Variants in EVPL observed in about 807,000 individuals in gnomAD.
EVPL encodes envoplakin, also known as 210 kDa cornified envelope precursor protein.
In EVPL, 94 loss-of-function variants were observed where a neutral mutation model predicts 129.7. The observed-to-expected ratio is 0.72, with a 90% confidence interval of 0.61 to 0.86. The LOEUF (loss-of-function observed/expected upper bound fraction) is 0.86, where lower values mean the gene tolerates loss of function less well. EVPL is among the 40% of genes least tolerant of loss of function. The pLI, the probability that EVPL is intolerant of heterozygous loss-of-function variation, is 0.00. For synonymous variants in EVPL, 1,172 were observed against 1,191.1 expected (o/e 0.98, Z 0.33); for missense variants, 2,625 against 2,721.1 (o/e 0.96, Z 0.79).
At chr17:76,016,979 G>A (rs1233395209) in intron 14 of EVPL, among the ~76,000 whole-genome samples, 1 of 151,950 alleles carries the variant, frequency 6.6e-6, no homozygotes, top group Non-Finnish European at 1.5e-5. Flanking sequence ...CTGGGAGGCC[G>A]AGATGGGTGG....
rs1828980312 is a variant in EVPL, at chr17:76,027,088, C to T, written c.98+13G>A. On this transcript the variant is annotated intron_variant, in intron 1 of 21. Transcript: ENST00000301607. The stretch of plus-strand genomic sequence containing the variant: ...CCCAGTTCCCCGGCTCCCCATCCCC[C>T]AGTCCCACTTACCGGCTGTGCCTGC... 2.8e-6 allele frequency: 4 copies of T among 1,442,834 alleles called. No homozygotes were observed. The highest frequency in any genetic ancestry group is 2.8e-6 in the Non-Finnish European group (3 of 1,078,036). The allele number at this position is 1,442,834 out of a possible 1,614,324, so 89.4% of individuals were successfully genotyped here.
At position 76,013,189 on chromosome 17, in the gene EVPL, C is replaced by A. The variant is rs1450980930; in HGVS notation, c.2374-1100G>T. Among the ~76,000 whole-genome samples the A allele has an allele frequency of 6.6e-6, 1 of 152,180 alleles. No homozygotes were observed. Among genetic ancestry groups the A allele is most frequent in the Non-Finnish European group, 1.5e-5 (1 of 68,036 alleles). ...ATACTGATGCTCTGACCACAATAAT[C>A]CAACTTATTTGGTCTGGGGAGGGGT... On this transcript the variant is annotated intron_variant, in intron 18 of 21. Coordinates refer to ENST00000301607, the MANE Select transcript of EVPL (RefSeq NM_001988.4). The surrounding 1 kb of genome is among the most constrained non-coding windows in gnomAD (Gnocchi z 4.3).
chr17:76,012,125 A>G (rs1234307413), intron 18 of EVPL, 36 bp from the exon 19 acceptor site: 3 of 1,528,446 alleles, frequency 2.0e-6, no homozygotes, highest in Non-Finnish European at 2.7e-6. Flanking sequence ...GAGGCCAGGA[A>G]ATGCCAATCA....
At chr17:76,021,014 T>C (rs952803130) in intron 9 of EVPL, among the ~76,000 whole-genome samples, 2 of 152,196 alleles carry the variant, frequency 1.3e-5, no homozygotes, top group Non-Finnish European at 2.9e-5. Context: ...AATGTGCCCA[T>C]GCCTTTCTTT....
At position 76,007,450 on chromosome 17, in the gene EVPL, C is replaced by T. The variant is rs1209487515; in HGVS notation, c.5755G>A (p.Glu1919Lys). The change falls in exon 22 of 22, where the codon GAG (glutamate) becomes AAG (lysine). Residue 1919 changes from glutamate to lysine, a missense_variant. Glu to Lys is a moderately conservative substitution (Grantham distance 56). Transcript: ENST00000301607. This position sits in a 1 kb window ranked among gnomAD's most constrained non-coding sequence, Gnocchi z 8.8. ...GGCATCCAGCCCTTCTGGACGGCCT[C>T]GCCCACCGAGAGCCTCTTCTTGGTG... is the stretch of plus-strand genomic sequence containing the variant. Reference protein sequence around the residue: ...PVTKKRLSVGEAVQKGWMPRE... With the variant: ...PVTKKRLSVGKAVQKGWMPRE... The T allele has an allele frequency of 5.0e-6, 8 of 1,604,884 alleles. No homozygotes were observed. The highest frequency in any genetic ancestry group is 3.3e-5 in the South Asian group (3 of 90,814).
At position 76,008,490 on chromosome 17, in the gene EVPL, C is replaced by T; in HGVS notation, c.4715G>A (p.Arg1572Lys). The change falls in exon 22 of 22, where the codon AGA becomes AAA. Residue 1572 changes from arginine to lysine, a missense_variant. Physicochemically the swap from Arg to Lys is conservative, Grantham distance 26. Transcript: ENST00000301607. This position sits in a 1 kb window ranked among gnomAD's most constrained non-coding sequence, Gnocchi z 7.4. ...ERIDRAETLG[R>K]TWSREESELQ... Reference sequence around the variant, plus strand: ...CTCGGACTCCTCCCGGGACCAGGTTCTCCCCAGCGTCTCGGCCCGGTCAAT... The same window carrying T: ...CTCGGACTCCTCCCGGGACCAGGTTTTCCCCAGCGTCTCGGCCCGGTCAAT... 6.2e-7 allele frequency: 1 copy of T among 1,601,096 alleles called. No homozygotes were observed. The highest frequency in any genetic ancestry group is 8.5e-7 in the Non-Finnish European group (1 of 1,177,842).
At chr17:76,012,513 T>TC (rs1364094411) in intron 18 of EVPL, among the ~76,000 whole-genome samples, 1 of 152,092 alleles carries the variant, frequency 6.6e-6, no homozygotes, top group Non-Finnish European at 1.5e-5. Flanking sequence ...AAGGCTGGTC[T>TC]CGAACTCCTG....
At position 76,027,142 on chromosome 17, in the gene EVPL, G is replaced by C; in HGVS notation, c.57C>G (p.Pro19=). ...SQGKGSPKGS[P]AKGSPKGSPS... ...GGGAGCCTTTGGGGGACCCCTTGGC[G>C]GGGGAGCCCTTGGGGGACCCCTTCC... is the stretch of plus-strand genomic sequence containing the variant. The change falls in exon 1 of 22, where the codon CCC becomes CCG. Residue 19 remains proline (P), a synonymous_variant. Coordinates refer to ENST00000301607, the MANE Select transcript of EVPL (RefSeq NM_001988.4). The C allele has an allele frequency of 6.4e-7, 1 of 1,559,718 alleles. No homozygotes were observed. Among genetic ancestry groups the C allele is most frequent in the South Asian group, 1.2e-5 (1 of 83,138 alleles).
rs146213156 is a variant in EVPL at position 76,011,836 on chromosome 17, G to T, written c.2504C>A (p.Thr835Asn). ...TCTCTTGGGGGCTGACACTGCCAGG[G>T]TGGGCTCCAAAGAGCAGCGGTAGGT... ...ADTYRCSLEP[T>N]LAVSAPKRPR... The change falls in exon 20 of 22, where the codon ACC (threonine) becomes AAC (asparagine). Residue 835 changes from threonine (T) to asparagine (N), a missense_variant. Physicochemically the swap from Thr to Asn is moderately conservative, Grantham distance 65. This residue lies in a region of EVPL where 1,024 missense variants were observed against 997.5 expected (regional missense o/e 1.03). Coordinates refer to ENST00000301607, the MANE Select transcript of EVPL (RefSeq NM_001988.4). The T allele has an allele frequency of 1.2e-6, 2 of 1,613,320 alleles. No homozygotes were observed. The highest frequency in any genetic ancestry group is 3.3e-5 in the Admixed American group (2 of 59,724).
chr17:76,018,608 C>A lies in EVPL; in HGVS notation c.1285-8G>T. 1 of 1,593,596 alleles carries A rather than the reference C, an allele frequency of 6.3e-7. No individual in the cohort carries two copies. Among genetic ancestry groups the A allele is most frequent in the Non-Finnish European group, 8.6e-7 (1 of 1,169,056 alleles). ...ACCCTGCAGCAGCTGCACCTGGGGG[C>A]ACAGAAAGGGAGCAGCTCCTGAGGG... On this transcript the variant is annotated splice_polypyrimidine_tract_variant and splice_region_variant and intron_variant, in intron 11 of 21. Coordinates refer to ENST00000301607, the MANE Select transcript of EVPL (RefSeq NM_001988.4).
Position 76,024,090 on chromosome 17 carries a change from G to C in EVPL, c.129C>G (p.Ile43Met), listed in dbSNP as rs751562946. 6.2e-7 allele frequency: 1 copy of C among 1,613,880 alleles called. No individual in the cohort carries two copies. Among genetic ancestry groups the C allele is most frequent in the Non-Finnish European group, 8.5e-7 (1 of 1,179,974 alleles). ...GGTCGGCGTTGGCTTGCATGCGGGAGATGAGAAGGGCCAGCTCCTGGGTGG... is the reference window on the plus strand; with the variant it reads ...GGTCGGCGTTGGCTTGCATGCGGGACATGAGAAGGGCCAGCTCCTGGGTGG... ...RAATQELALLISRMQANADQV... is the reference protein window; with the variant it reads ...RAATQELALLMSRMQANADQV... Residue 43 changes from isoleucine (I) to methionine (M), a missense_variant, in exon 2 of 22, where the codon ATC becomes ATG. By Grantham distance (10) the Ile-to-Met change is conservative (BLOSUM62 1). This residue lies in a region of EVPL where 139 missense variants were observed against 186.8 expected (regional missense o/e 0.74). Transcript: ENST00000301607. This position sits in a 1 kb window ranked among gnomAD's most constrained non-coding sequence, Gnocchi z 4.5.
chr17:76,008,679 A>C lies in EVPL; in HGVS notation c.4526T>G (p.Leu1509Arg). ...CTTCTCCTGCGATTTGGCTTTCTGG[A>C]GGACGTCAATCTGGACCTGCAGGTT... The part of the protein sequence containing the change: ...CKNLQVQIDV[L>R]QKAKSQEKTI... Residue 1509 changes from leucine (L) to arginine (R), a missense_variant, in exon 22 of 22, where the codon CTC becomes CGC. Coordinates refer to ENST00000301607, the MANE Select transcript of EVPL (RefSeq NM_001988.4). This position sits in a 1 kb window ranked among gnomAD's most constrained non-coding sequence, Gnocchi z 7.4. 1 of 1,612,950 alleles carries C rather than the reference A, an allele frequency of 6.2e-7. No individual in the cohort carries two copies. Among genetic ancestry groups the C allele is most frequent in the Non-Finnish European group, 8.5e-7 (1 of 1,179,996 alleles).
At chr17:76,016,799 G>A (rs2066421731) in intron 14 of EVPL, among the ~76,000 whole-genome samples, 1 of 151,968 alleles carries the variant, frequency 6.6e-6, no homozygotes, top group Non-Finnish European at 1.5e-5. Flanking sequence ...CCAACTACTC[G>A]GGAGGCTGAG....
At position 76,024,078 on chromosome 17, in the gene EVPL, T is replaced by C. The variant is rs764993731; in HGVS notation, c.141A>G (p.Gln47=). The change falls in exon 2 of 22, where the codon CAA becomes CAG. Residue 47 remains glutamine (Q), a synonymous_variant. Transcript: ENST00000301607. This position sits in a 1 kb window ranked among gnomAD's most constrained non-coding sequence, Gnocchi z 4.5. ...CCCGCTCCACCTGGTCGGCGTTGGC[T>C]TGCATGCGGGAGATGAGAAGGGCCA... is the stretch of plus-strand genomic sequence containing the variant. ...QELALLISRM[Q]ANADQVERDI... is the part of the protein sequence containing the mutation. The C allele has an allele frequency of 6.2e-6, 10 of 1,613,752 alleles. No individual in the cohort carries two copies. The highest frequency in any genetic ancestry group is 8.5e-6 in the Non-Finnish European group (10 of 1,179,972).
chr17:76,007,788 G>A lies in EVPL; in HGVS notation c.5417C>T (p.Pro1806Leu). The change falls in exon 22 of 22, where the codon CCC becomes CTC. Residue 1806 changes from proline to leucine, a missense_variant. Around this residue, in one of 4 missense-constraint regions of EVPL, gnomAD observed 1,453 missense variants for 1,511.8 expected, o/e 0.96. Coordinates refer to ENST00000301607, the MANE Select transcript of EVPL (RefSeq NM_001988.4). This position sits in a 1 kb window ranked among gnomAD's most constrained non-coding sequence, Gnocchi z 8.8. ...GGGAGAGAAGAAACTGGTGCTCTGGGGGGCCGGGGAGGCGAGCGGGGACTT... is the reference window on the plus strand; with the variant it reads ...GGGAGAGAAGAAACTGGTGCTCTGGAGGGCCGGGGAGGCGAGCGGGGACTT... The part of the protein sequence containing the change: ...ISKSPLASPA[P>L]QSTSFFSPSF... The A allele has an allele frequency of 1.2e-6, 2 of 1,611,984 alleles. No individual in the cohort carries two copies. Among genetic ancestry groups the A allele is most frequent in the Non-Finnish European group, 1.7e-6 (2 of 1,178,424 alleles).
chr17:76,026,172 G>A (rs1301471631), intron 1 of EVPL, among the ~76,000 whole-genome samples: 6 of 151,912 alleles, frequency 3.9e-5, no homozygotes, highest in Admixed American at 3.3e-4. Context: ...TCGAACTCCC[G>A]GGCTCAAGTG....
chr17:76,008,886 C>T lies in EVPL; in HGVS notation c.4319G>A (p.Arg1440Gln), dbSNP rs999478563. 1 of 1,613,886 alleles carries T rather than the reference C, an allele frequency of 6.2e-7. No homozygotes were observed. The highest frequency in any genetic ancestry group is 1.1e-5 in the South Asian group (1 of 91,090). Reference sequence around the variant, plus strand: ...CTCCTGGATCCTCAAGGTCAGCTGCCGCAGCTCCCTCTCCACGGCCAGCTT... The same window carrying T: ...CTCCTGGATCCTCAAGGTCAGCTGCTGCAGCTCCCTCTCCACGGCCAGCTT... ...SKKLAVEREL[R>Q]QLTLRIQELE... is the part of the protein sequence containing the mutation. The change falls in exon 22 of 22, where the codon CGG becomes CAG. Residue 1440 changes from arginine to glutamine, a missense_variant. Arg to Gln is a conservative substitution (Grantham distance 43). Transcript: ENST00000301607. This position sits in a 1 kb window ranked among gnomAD's most constrained non-coding sequence, Gnocchi z 7.4.
rs1296751601 is a variant in EVPL, at chr17:76,017,616, G to A, written c.1710+123C>T. ...AACCAGCTTGTCTGAGCCCGGGTCTGTCCACACCCTTCTCCATCTCCATCC... is the reference window on the plus strand; with the variant it reads ...AACCAGCTTGTCTGAGCCCGGGTCTATCCACACCCTTCTCCATCTCCATCC... On this transcript the variant is annotated intron_variant, in intron 14 of 21. Transcript: ENST00000301607. The A allele has an allele frequency of 2.9e-6, 4 of 1,380,344 alleles. No individual in the cohort carries two copies. The African/African-American group carries it at 5.7e-5, about 20-fold the overall frequency. The allele number at this position is 1,380,344 out of a possible 1,614,324, so 85.5% of individuals were successfully genotyped here. A position where few individuals can be genotyped will look rare whatever the true frequency, so the allele number is the denominator to read the frequency against.
rs753158877 is a variant in EVPL, at chr17:76,021,601, C to CCT, written c.916-39_916-38insAG. 43 of 1,448,890 alleles carry CCT rather than the reference C, an allele frequency of 3.0e-5. 1 individual carries two copies. In the African/African-American group the frequency reaches 7.8e-4, roughly 26 times the overall value. 89.8% of individuals were successfully genotyped at this position (1,448,890 alleles called of 1,614,324 possible). A position where few individuals can be genotyped will look rare whatever the true frequency, so the allele number is the denominator to read the frequency against. The stretch of plus-strand genomic sequence containing the variant: ...GCATGGAGCCCTCGGACCACGCCCC[C>CCT]CCCACGTCCGCCCCACCTCCCCCCT... On this transcript the variant is annotated intron_variant, in intron 8 of 21. Transcript: ENST00000301607.
Sources: allele counts gnomAD v4.1 joint callset (sites outside exome capture counted in the v4.1 genomes callset), GRCh38; gene constraint gnomAD v4.1.1; regional missense constraint gnomAD v4.1.1; non-coding constraint Gnocchi (gnomAD v3.1); transcripts MANE v1.5; gene names NCBI Gene and HGNC (gene_info 2026-07-23, HGNC 2026-07-21).